The following PCCB variants were observed in gnomAD, a reference collection of about 807,000 sequenced individuals.
The protein encoded by PCCB is propionyl-CoA carboxylase beta chain, mitochondrial.
In PCCB, 43 loss-of-function variants were observed where a neutral mutation model predicts 60.7. The observed-to-expected ratio is 0.71, with a 90% CI of 0.55 to 0.91. PCCB has a LOEUF of 0.91. PCCB is among the 40% of genes least tolerant of loss of function. The pLI is 0.00. For synonymous variants in PCCB, 276 were observed against 255.9 expected (o/e 1.08, Z -0.75); for missense variants, 766 against 702.8 (o/e 1.09, Z -1.02).
At chr3:136,265,895 G>A (rs570911281) in intron 5 of PCCB, among the ~76,000 whole-genome samples, 75 of 150,836 alleles carry the variant, frequency 5.0e-4, no homozygotes, top group African/African-American at 1.5e-3. Flanking sequence ...GTGCGATCTC[G>A]GCTCACTGCA....
intron 6 of PCCB, among the ~76,000 whole-genome samples, chr3:136,290,709 G>GTC (rs1233275387): frequency 8.7e-5 from 7 of 80,478 alleles, no homozygotes; most frequent in Non-Finnish European, 1.6e-4. Context: ...TTGCTTGATG[G>GTC]TCTCTGAGTT....
intron 5 of PCCB, among the ~76,000 whole-genome samples, chr3:136,263,431 A>AATTTTTTTTTGT (rs1162421128): frequency 6.6e-6 from 1 of 151,456 alleles, no homozygotes; most frequent in Non-Finnish European, 1.5e-5. Context: ...ACATCCGGTG[A>AATTTTTTTTTGT]ATTTTTTTTT....
intron 5 of PCCB, among the ~76,000 whole-genome samples, chr3:136,268,059 T>C (rs1351793585): frequency 4.2e-5 from 4 of 94,296 alleles, no homozygotes; most frequent in Non-Finnish European, 9.4e-5. Flanking sequence ...AGTGTGTGTG[T>C]GTGTGCGTGT....
At position 136,329,895 on chromosome 3, in the gene PCCB, GC is replaced by G. The variant is rs759990998; in HGVS notation, c.1499-9del. 6.2e-7 allele frequency: 1 copy of G among 1,613,942 alleles called. No individual in the cohort carries two copies. Among genetic ancestry groups the G allele is most frequent in the African/African-American group, 1.3e-5 (1 of 74,924 alleles). On this transcript the variant is annotated splice_polypyrimidine_tract_variant and intron_variant, in intron 14 of 14. Transcript: ENST00000251654. ...GCAGATGATCCACTCCCTTTTCTGT[GC>G]TTCACCAGGGTTTGTGGATGACATC... is the stretch of plus-strand genomic sequence containing the variant.
intron 5 of PCCB, among the ~76,000 whole-genome samples, chr3:136,279,044 A>G (rs1335634465): frequency 3.9e-5 from 6 of 152,084 alleles, no homozygotes; most frequent in Admixed American, 3.9e-4. Context: ...TGAACCTTTT[A>G]TCAATATGTC....
Position 136,304,983 on chromosome 3 carries a change from G to A in PCCB, c.966+3872G>A, listed in dbSNP as rs1435801318. Among the ~76,000 whole-genome samples the A allele has an allele frequency of 2.5e-5, 3 of 120,474 alleles. 1 individual carries two copies. The highest frequency in any genetic ancestry group is 2.0e-4 in the Admixed American group (2 of 10,110). The allele number at this position is 120,474 out of a possible 152,430, so 79.0% of individuals were successfully genotyped here. On this transcript the variant is annotated intron_variant, in intron 9 of 14. Coordinates refer to ENST00000251654, the MANE Select transcript of PCCB (RefSeq NM_000532.5). ...GGGATTACAGGCATGAGCCACGGGC[G>A]CCAACCCAGCTTTTCCAATTTTTAA... is the stretch of plus-strand genomic sequence containing the variant.
At chr3:136,311,877 A>T (rs1217131567) in intron 9 of PCCB, among the ~76,000 whole-genome samples, 1 of 152,210 alleles carries the variant, frequency 6.6e-6, no homozygotes, top group Non-Finnish European at 1.5e-5. Context: ...CAAACTGGTG[A>T]TTCTTAAGTT....
In PCCB at chr3:136,287,370, A is replaced by G. The variant is rs575147349; in HGVS notation, c.654+3423A>G. Among the ~76,000 whole-genome samples, 8 of 149,982 alleles carry G rather than the reference A, an allele frequency of 5.3e-5. No individual in the cohort carries two copies. In the East Asian group the frequency reaches 1.6e-3, roughly 29 times the overall value. ...ATGTTGTTCTTTGAAAATGTAGTTC[A>G]TTCACTTTAATAGCTGTGTAGTAAG... On this transcript the variant is annotated intron_variant, in intron 6 of 14. Transcript: ENST00000251654.
chr3:136,281,263 T>C (rs538575625), intron 5 of PCCB, among the ~76,000 whole-genome samples: 1 of 152,284 alleles, frequency 6.6e-6, no homozygotes, highest in South Asian at 2.1e-4. Flanking sequence ...TATATTGGTA[T>C]GTTTGGTTTC....
At chr3:136,286,678 C>G (rs2108186547) in intron 6 of PCCB, among the ~76,000 whole-genome samples, 1 of 152,258 alleles carries the variant, frequency 6.6e-6, no homozygotes, top group East Asian at 1.9e-4. Flanking sequence ...ACTAACAAAA[C>G]TGCTACCACT....
At chr3:136,321,342 A>G (rs1291506499) in intron 10 of PCCB, among the ~76,000 whole-genome samples, 1 of 152,220 alleles carries the variant, frequency 6.6e-6, no homozygotes, top group Admixed American at 6.5e-5. Flanking sequence ...TTTGAGGTTA[A>G]TGGTTGTATT....
At chr3:136,258,875 T>A (rs939196438) in intron 3 of PCCB, among the ~76,000 whole-genome samples, 1 of 151,994 alleles carries the variant, frequency 6.6e-6, no homozygotes, top group African/African-American at 2.4e-5. Context: ...GTTCCTGGGT[T>A]GTCTTCTCCT....
chr3:136,256,430 C>G, intron 2 of PCCB, 125 bp from the exon 3 acceptor site: 1 of 734,382 alleles, frequency 1.4e-6, no homozygotes, highest in Non-Finnish European at 2.5e-6. Flanking sequence ...CCTTCATGTT[C>G]CTTGTTCATA....
intron 9 of PCCB, among the ~76,000 whole-genome samples, chr3:136,309,017 C>G (rs1005415414): frequency 6.6e-6 from 1 of 152,204 alleles, no homozygotes; most frequent in African/African-American, 2.4e-5. Context: ...AATCCCAGCA[C>G]TTTGGGAGGC....
chr3:136,289,666 T>C (rs1408771511), intron 6 of PCCB, among the ~76,000 whole-genome samples: 1 of 152,146 alleles, frequency 6.6e-6, no homozygotes, highest in Non-Finnish European at 1.5e-5. Flanking sequence ...GTATCTACCA[T>C]ATTTGTTACT....
At chr3:136,253,082 GTTTTTTTTTT>G (rs59099393) in intron 1 of PCCB, among the ~76,000 whole-genome samples, 2 of 71,500 alleles carry the variant, frequency 2.8e-5, no homozygotes, top group African/African-American at 5.8e-5. Flanking sequence ...AGCAATGGAG[GTTTTTTTTTT>G]TTTTTTTTTT....
At chr3:136,301,903 A>G (rs528063109) in intron 9 of PCCB, among the ~76,000 whole-genome samples, 46 of 152,264 alleles carry the variant, frequency 3.0e-4, no homozygotes, top group Admixed American at 1.4e-3. Context: ...TTTTCCCTGC[A>G]TATGCAGTTG....
At chr3:136,277,704 A>G (rs1291475263) in intron 5 of PCCB, among the ~76,000 whole-genome samples, 2 of 152,142 alleles carry the variant, frequency 1.3e-5, no homozygotes, top group East Asian at 3.9e-4. Flanking sequence ...GGGGAGTAAC[A>G]GGTGGCACTA....
At chr3:136,266,406 G>A (rs186961243) in intron 5 of PCCB, among the ~76,000 whole-genome samples, 1 of 152,072 alleles carries the variant, frequency 6.6e-6, no homozygotes. Flanking sequence ...TGGGATTACA[G>A]GCGTGAGCCA....
Sources: gnomAD v4.1 joint callset for allele counts (sites outside exome capture counted in the v4.1 genomes callset) on GRCh38, gnomAD v4.1.1 for gene constraint, MANE v1.5 for transcripts, NCBI Gene and HGNC (gene_info 2026-07-23, HGNC 2026-07-21) for gene names.